The following HOOK2 variants were observed in gnomAD, a reference collection of about 807,000 sequenced individuals.
HOOK2 encodes hook microtubule tethering protein 2.
HOOK2 carries 108 observed loss-of-function variants against 111.9 expected under a neutral mutation model. The observed-to-expected ratio is 0.96, with a 90% confidence interval of 0.83 to 1.13. HOOK2 has a LOEUF of 1.13. HOOK2 is among the 50% of genes most tolerant of loss of function. HOOK2 has a pLI of 0.00. For synonymous variants in HOOK2, 405 were observed against 394.3 expected (o/e 1.03, Z -0.32); for missense variants, 978 against 951.3 (o/e 1.03, Z -0.37).
chr19:12,763,980 T>C (rs1191677463), intron 20 of HOOK2, among the ~76,000 whole-genome samples: 1 of 152,060 alleles, frequency 6.6e-6, no homozygotes, highest in East Asian at 1.9e-4. Flanking sequence ...GCATGAGCCA[T>C]TGTGCCCATC....
At chr19:12,772,720 G>C in intron 5 of HOOK2, 40 bp from the exon 6 acceptor site, 1 of 1,613,988 alleles carries the variant, frequency 6.2e-7, no homozygotes, top group Non-Finnish European at 8.5e-7. Context: ...CCAGGGGTGA[G>C]GTGGGGAGGA....
chr19:12,771,791 A>G (rs1968338992), intron 7 of HOOK2: 2 of 378,324 alleles, frequency 5.3e-6, no homozygotes, highest in Admixed American at 3.9e-5. Flanking sequence ...CTGAGGCAGG[A>G]GAATCGCTTG....
In HOOK2 at chr19:12,786,850, CCCA is replaced by C. The variant is rs932068501; in HGVS notation, n.42-12628_42-12626del. On this transcript the variant is annotated intron_variant and non_coding_transcript_variant, in intron 3 of 3. Coordinates refer to the HOOK2 transcript ENST00000589765. This position sits in a 1 kb window ranked among gnomAD's most constrained non-coding sequence, Gnocchi z 4.3. ...GAGACCCGTGCCCCTCTGTCTGTGC[CCCA>C]CCACATTTCTCCCCCAATTAAAGGA... 6.6e-6 allele frequency among the ~76,000 whole-genome samples: 1 copy of C among 152,148 alleles called. No individual in the cohort carries two copies. The highest frequency in any genetic ancestry group is 2.4e-5 in the African/African-American group (1 of 41,422).
upstream of HOOK2, among the ~76,000 whole-genome samples, chr19:12,778,028 G>C (rs1434645560): frequency 6.6e-6 from 1 of 152,244 alleles, no homozygotes; most frequent in African/African-American, 2.4e-5. Flanking sequence ...GTTTTGAGGG[G>C]AAGGGTGAAG....
In HOOK2 at chr19:12,791,570, C is replaced by A; in HGVS notation, n.42-17345G>T. On this transcript the variant is annotated intron_variant and non_coding_transcript_variant, in intron 3 of 3. Coordinates refer to the HOOK2 transcript ENST00000589765. This position sits in a 1 kb window ranked among gnomAD's most constrained non-coding sequence, Gnocchi z 7.0. ...AACGACGCCAGGAAAGCTATCGCGCCAGAGAGGGCGACGGGGGCTCGGGAA... is the reference window on the plus strand; with the variant it reads ...AACGACGCCAGGAAAGCTATCGCGCAAGAGAGGGCGACGGGGGCTCGGGAA... 1 of 509,810 alleles carries A rather than the reference C, an allele frequency of 2.0e-6. No homozygotes were observed. Among genetic ancestry groups the A allele is most frequent in the South Asian group, 3.0e-5 (1 of 33,416 alleles). 31.6% of individuals were successfully genotyped at this position (509,810 alleles called of 1,614,324 possible).
At chr19:12,777,335 A>G (rs978994885), upstream of HOOK2, among the ~76,000 whole-genome samples, 1 of 151,786 alleles carries the variant, frequency 6.6e-6, no homozygotes, top group Non-Finnish European at 1.5e-5. Flanking sequence ...AAATAAAAGT[A>G]GCTGGGCGTG....
At chr19:12,792,162 G>C (rs1968727348) in intron 3 of HOOK2, 2 of 1,593,640 alleles carry the variant, frequency 1.3e-6, no homozygotes, top group African/African-American at 2.7e-5. Context: ...CGTCACCGAG[G>C]AGCAGGAGGG....
intron 18 of HOOK2, 116 bp from the exon 19 acceptor site, chr19:12,765,197 CCTCT>C: frequency 2.1e-6 from 2 of 961,976 alleles, no homozygotes; most frequent in Non-Finnish European, 3.3e-6. Flanking sequence ...GCCACAGAGC[CCTCT>C]CTGCCTGCCC....
In HOOK2 at chr19:12,770,835, A is replaced by G. The variant is rs1968303376; in HGVS notation, c.902+97T>C. Reference sequence around the variant, plus strand: ...GGCATATTGGGGGTTCACTGGGCACATGAAAATTACAGAGCTGCTATGGCA... The same window carrying G: ...GGCATATTGGGGGTTCACTGGGCACGTGAAAATTACAGAGCTGCTATGGCA... On this transcript the variant is annotated intron_variant, in intron 10 of 22. Coordinates refer to ENST00000397668, the MANE Select transcript of HOOK2 (RefSeq NM_013312.3). 2.1e-6 allele frequency: 3 copies of G among 1,459,944 alleles called. No homozygotes were observed. The South Asian group carries it at 4.0e-5, about 19-fold the overall frequency. The allele number at this position is 1,459,944 out of a possible 1,614,324, so 90.4% of individuals were successfully genotyped here.
chr19:12,770,869 G>A, intron 10 of HOOK2, 63 bp downstream of exon 10: 1 of 1,533,956 alleles, frequency 6.5e-7, no homozygotes, highest in Non-Finnish European at 8.8e-7. Context: ...CATCAGAGGG[G>A]AACTCTGGAA....
At chr19:12,792,269 G>A (rs1968729210) in intron 3 of HOOK2, 9 of 1,493,436 alleles carry the variant, frequency 6.0e-6, no homozygotes, top group African/African-American at 4.2e-5. Context: ...GGGGGCCCCC[G>A]GCTGGGCCCG....
At chr19:12,777,070 T>C (rs931263964), upstream of HOOK2, among the ~76,000 whole-genome samples, 5 of 150,824 alleles carry the variant, frequency 3.3e-5, no homozygotes, top group Admixed American at 2.0e-4. Flanking sequence ...GGCAGGAGAA[T>C]AGCTTGAACC....
Position 12,766,357 on chromosome 19 carries a change from C to T in HOOK2, c.1374-117G>A, listed in dbSNP as rs1196019273. 1.3e-5 allele frequency: 17 copies of T among 1,302,718 alleles called. No homozygotes were observed. The South Asian group carries it at 2.5e-4, about 19-fold the overall frequency. 80.7% of individuals were successfully genotyped at this position (1,302,718 alleles called of 1,614,324 possible). A position where few individuals can be genotyped will look rare whatever the true frequency, so the allele number is the denominator to read the frequency against. On this transcript the variant is annotated intron_variant, in intron 14 of 22. Transcript: ENST00000397668. ...AGCCCTGGGGAAGAGCCCAGCCAGA[C>T]CATGGGGTTGGAGCACCGAGGACCT...
At chr19:12,775,044 G>A in intron 1 of HOOK2, 147 bp from the exon 2 acceptor site, 2 of 1,106,882 alleles carry the variant, frequency 1.8e-6, no homozygotes, top group Non-Finnish European at 2.6e-6. Flanking sequence ...ACTGGCTTCT[G>A]CTCACCTGAG....
At position 12,770,991 on chromosome 19, in the gene HOOK2, C is replaced by G. The variant is rs1968311250; in HGVS notation, c.843G>C (p.Gln281His). 6.8e-6 allele frequency: 11 copies of G among 1,612,224 alleles called. No homozygotes were observed. In the East Asian group the frequency reaches 2.5e-4, roughly 36 times the overall value. Residue 281 changes from glutamine to histidine, a missense_variant, in exon 10 of 23, where the codon CAG (glutamine) becomes CAC (histidine). Gln to His is a conservative substitution (Grantham distance 24). This residue lies in a region of HOOK2 where 388 missense variants were observed against 358.3 expected (regional missense o/e 1.08). Transcript: ENST00000397668. ...REVAELQHRN[Q>H]ALTSLAQEAQ... ...CCTCCTGGGCCAGGCTAGTCAGCGC[C>G]TGGTTCCGGTGCTGCAGCTCCGCAA...
chr19:12,782,886 C>A (rs1214984391), upstream of HOOK2, among the ~76,000 whole-genome samples: 2 of 7,610 alleles, frequency 2.6e-4, no homozygotes, highest in African/African-American at 1.1e-3. Context: ...GGAGCTGAGA[C>A]CCCCCCCCCA....
rs377194147 is a variant in HOOK2, at chr19:12,791,883, A to G, written n.42-17658T>C. On this transcript the variant is annotated intron_variant and non_coding_transcript_variant, in intron 3 of 3. Coordinates refer to the HOOK2 transcript ENST00000589765. The surrounding 1 kb of genome is among the most constrained non-coding windows in gnomAD (Gnocchi z 7.0). ...ACACGACTACAAACTCCTGAAACCG[A>G]GCCTGGCGGTCAACCTGGCCGACCC... is the stretch of plus-strand genomic sequence containing the variant. 2.8e-5 allele frequency: 45 copies of G among 1,613,218 alleles called. No individual in the cohort carries two copies. Among genetic ancestry groups the G allele is most frequent in the Non-Finnish European group, 3.8e-5 (45 of 1,179,874 alleles).
intron 7 of HOOK2, 111 bp downstream of exon 7, chr19:12,772,079 C>A (rs376184801): frequency 1.4e-5 from 12 of 839,788 alleles, no homozygotes; most frequent in South Asian, 4.4e-5. Flanking sequence ...GGGGTCTGGA[C>A]CTTTAACAAG....
rs1968209354 is a variant in HOOK2, at chr19:12,768,010, C to T, written c.1215+3G>A. On this transcript the variant is annotated splice_donor_region_variant and intron_variant, in intron 12 of 22. Coordinates refer to ENST00000397668, the MANE Select transcript of HOOK2 (RefSeq NM_013312.3). Reference sequence around the variant, plus strand: ...GGCTTGGGCAGTGGAACCTCAGCCTCACCTCCTTCTCCTTTGTCACCGACT... The same window carrying T: ...GGCTTGGGCAGTGGAACCTCAGCCTTACCTCCTTCTCCTTTGTCACCGACT... 2.5e-6 allele frequency: 4 copies of T among 1,613,942 alleles called. No homozygotes were observed. Among genetic ancestry groups the T allele is most frequent in the Non-Finnish European group, 3.4e-6 (4 of 1,179,780 alleles).
Sources: gnomAD v4.1 joint callset for allele counts (sites outside exome capture counted in the v4.1 genomes callset) on GRCh38, gnomAD v4.1.1 for gene constraint, gnomAD v4.1.1 regional missense constraint, Gnocchi (gnomAD v3.1) non-coding constraint, MANE v1.5 for transcripts, NCBI Gene and HGNC (gene_info 2026-07-23, HGNC 2026-07-21) for gene names.